LIMCH1: variants seen among roughly 807,000 people sequenced by gnomAD.
LIMCH1 encodes the protein LIM and calponin homology domains 1.
In LIMCH1, 113 loss-of-function variants were observed where a neutral mutation model predicts 176.5. That is an observed-to-expected ratio of 0.64 (90% CI 0.55 to 0.75). LIMCH1 has a LOEUF of 0.75. Among genes scored for constraint, LIMCH1 ranks in the 30% least tolerant of loss-of-function variants. LIMCH1 has a pLI of 0.00. For missense variants in LIMCH1, 1,674 were observed against 1,814.9 expected (o/e 0.92, Z 1.41); for synonymous variants, 619 against 645.9 (o/e 0.96, Z 0.63).
At chr4:41,481,232 A>G (rs920235543) in intron 1 of LIMCH1, among the ~76,000 whole-genome samples, 6 of 152,214 alleles carry the variant, frequency 3.9e-5, no homozygotes, top group Non-Finnish European at 7.3e-5. Context: ...TTCTTTGCCA[A>G]CACAAACTGA....
At chr4:41,584,280 G>A (rs6812732) in intron 1 of LIMCH1, among the ~76,000 whole-genome samples, 52,594 of 151,928 alleles carry the variant, frequency 0.35, 14,531 homozygotes, top group African/African-American at 0.77. Context: ...CATGTCTTGG[G>A]GGTTGGTTGG....
Position 41,689,691 on chromosome 4 carries a change from G to A in LIMCH1, c.4275+56G>A, listed in dbSNP as rs778251063. On this transcript the variant is annotated intron_variant, in intron 30 of 31. Transcript: ENST00000503057. ...CAACTTCATGATGTCTTTTGGCATC[G>A]TTCCGTGCTGAAAAATGCCTCTTGG... The A allele has an allele frequency of 1.2e-4, 129 of 1,119,824 alleles. 3 individuals carry two copies. Among genetic ancestry groups the A allele is most frequent in the Middle Eastern group, 7.9e-4 (4 of 5,090 alleles). 69.4% of individuals were successfully genotyped at this position (1,119,824 alleles called of 1,614,324 possible). A position where few individuals can be genotyped will look rare whatever the true frequency, so the allele number is the denominator to read the frequency against.
chr4:41,683,626 G>A (rs1039641765), intron 26 of LIMCH1, among the ~76,000 whole-genome samples: 1 of 152,210 alleles, frequency 6.6e-6, no homozygotes, highest in Non-Finnish European at 1.5e-5. Context: ...GGTTGGCTGG[G>A]AGCAGAGCTT....
chr4:41,506,465 C>T (rs2074174809), intron 2 of LIMCH1, among the ~76,000 whole-genome samples: 1 of 152,202 alleles, frequency 6.6e-6, no homozygotes. Context: ...CCAAATTAGG[C>T]ACCAAGAGGC....
At chr4:41,685,116 A>G (rs1719621949) in intron 27 of LIMCH1, among the ~76,000 whole-genome samples, 1 of 152,204 alleles carries the variant, frequency 6.6e-6, no homozygotes, top group Admixed American at 6.5e-5. Context: ...TGAAAGAATG[A>G]CCCTGGTAAA....
chr4:41,612,308 C>A (rs551357066), intron 4 of LIMCH1: 3 of 515,654 alleles, frequency 5.8e-6, no homozygotes, highest in Admixed American at 6.7e-5. Context: ...ACAGTTTAGA[C>A]CAGTTTCCAA....
rs111601537 is a variant in LIMCH1 at position 41,560,946 on chromosome 4, G to A, written c.-241+22596G>A. Among the ~76,000 whole-genome samples, 75 of 152,182 alleles carry A rather than the reference G, an allele frequency of 4.9e-4. 1 individual carries two copies. The highest frequency in any genetic ancestry group is 1.6e-3 in the African/African-American group (68 of 41,516). ...GCAGGAGGATCACTTTAGTCCAGGA[G>A]GTCAAGGCTGCCGTGAGCCATGATT... On this transcript the variant is annotated intron_variant, in intron 1 of 31. Coordinates refer to ENST00000503057, the MANE Select transcript of LIMCH1 (RefSeq NM_001330672.2).
At chr4:41,514,603 A>C (rs960234995) in intron 2 of LIMCH1, among the ~76,000 whole-genome samples, 1 of 152,168 alleles carries the variant, frequency 6.6e-6, no homozygotes, top group South Asian at 2.1e-4. Context: ...CATGGTAAGG[A>C]CTTTAAACAG....
chr4:41,662,781 C>G, intron 19 of LIMCH1, 40 bp from the exon 20 acceptor site: 1 of 1,608,454 alleles, frequency 6.2e-7, no homozygotes, highest in East Asian at 2.2e-5. Flanking sequence ...ATTTGATTTT[C>G]TTTTCCTTCT....
intron 1 of LIMCH1, among the ~76,000 whole-genome samples, chr4:41,486,397 AC>A (rs1196928595): frequency 1.3e-5 from 2 of 152,140 alleles, no homozygotes; most frequent in African/African-American, 2.4e-5. Context: ...CTTTTTATGT[AC>A]CCTGCAAATG....
At chr4:41,675,688 A>G (rs2095194767) in intron 22 of LIMCH1, among the ~76,000 whole-genome samples, 2 of 139,462 alleles carry the variant, frequency 1.4e-5, no homozygotes, top group African/African-American at 5.4e-5. Flanking sequence ...TCCCAGTCTC[A>G]TATTCTGTGG....
chr4:41,380,800 G>T (rs150204111), intron 1 of LIMCH1, among the ~76,000 whole-genome samples: 1 of 152,088 alleles, frequency 6.6e-6, no homozygotes, highest in Non-Finnish European at 1.5e-5. Flanking sequence ...TGCATCCAGG[G>T]AATACAGTTA....
At chr4:41,494,282 G>GA (rs2071626167) in intron 1 of LIMCH1, among the ~76,000 whole-genome samples, 2 of 146,846 alleles carry the variant, frequency 1.4e-5, no homozygotes, top group East Asian at 2.0e-4. Context: ...CAAGATTATT[G>GA]AAAAAAAATT....
chr4:41,390,271 A>AGAGAGAGAGAGAGAGC (rs1339324639), intron 1 of LIMCH1, among the ~76,000 whole-genome samples: 32 of 150,378 alleles, frequency 2.1e-4, no homozygotes, highest in African/African-American at 7.0e-4. Flanking sequence ...AGAGAGAGAG[A>AGAGAGAGAGAGAGAGC]GAGCGAGAGC....
chr4:41,623,801 A>G (rs1253104899), intron 7 of LIMCH1, among the ~76,000 whole-genome samples: 1 of 152,098 alleles, frequency 6.6e-6, no homozygotes, highest in Admixed American at 6.6e-5. Context: ...GGTGCATGTT[A>G]TTTCATTTTC....
chr4:41,470,827 C>T (rs2066851045), intron 1 of LIMCH1, among the ~76,000 whole-genome samples: 1 of 151,966 alleles, frequency 6.6e-6, no homozygotes, highest in Admixed American at 6.6e-5. Flanking sequence ...CCTCTGACCG[C>T]ATATTTCGTT....
intron 1 of LIMCH1, among the ~76,000 whole-genome samples, chr4:41,403,130 A>G (rs2058633169): frequency 6.6e-6 from 1 of 152,118 alleles, no homozygotes; most frequent in Non-Finnish European, 1.5e-5. Context: ...CTAGTACCAT[A>G]TCTAGGAAAA....
chr4:41,579,542 G>A (rs1026361873), intron 1 of LIMCH1, among the ~76,000 whole-genome samples: 4 of 152,108 alleles, frequency 2.6e-5, no homozygotes, highest in African/African-American at 4.8e-5. Context: ...GCGTACAGAC[G>A]GTCATCGTTA....
intron 4 of LIMCH1, among the ~76,000 whole-genome samples, chr4:41,610,593 T>C (rs2091303834): frequency 1.3e-5 from 2 of 152,246 alleles, no homozygotes; most frequent in Non-Finnish European, 2.9e-5. Context: ...CAGGCATTTT[T>C]CTGAATACTT....
Sources: gnomAD v4.1 joint callset for allele counts (sites outside exome capture counted in the v4.1 genomes callset) on GRCh38, gnomAD v4.1.1 for gene constraint, MANE v1.5 for transcripts, NCBI Gene and HGNC (gene_info 2026-07-23, HGNC 2026-07-21) for gene names.